Variants in LRP5 observed in about 807,000 individuals in gnomAD.
LRP5 encodes low-density lipoprotein receptor-related protein 5.
A neutral mutation model predicts 154.1 loss-of-function variants in LRP5; 62 were observed. The ratio of observed to expected loss-of-function variants is 0.40; its 90% CI spans 0.33 to 0.50. The LOEUF is 0.50. LRP5 is among the 20% of genes least tolerant of loss of function. LRP5 has a pLI of 0.55. For missense variants in LRP5, 1,915 were observed against 2,336.7 expected (o/e 0.82, Z 3.72); for synonymous variants, 966 against 1,011.5 (o/e 0.96, Z 0.85).
At chr11:68,440,334 G>C (rs2098677521) in intron 21 of LRP5, among the ~76,000 whole-genome samples, 2 of 152,200 alleles carry the variant, frequency 1.3e-5, no homozygotes, top group South Asian at 4.1e-4. Flanking sequence ...AAAACAGCTG[G>C]ATGGTTTTGT....
At chr11:68,356,916 T>A (rs771524343) in intron 2 of LRP5, among the ~76,000 whole-genome samples, 9 of 152,054 alleles carry the variant, frequency 5.9e-5, no homozygotes, top group Non-Finnish European at 1.2e-4. Flanking sequence ...TTTCATGGCT[T>A]GATAGATCAT....
chr11:68,432,593 T>C (rs1156901377), intron 17 of LRP5, among the ~76,000 whole-genome samples: 1 of 152,228 alleles, frequency 6.6e-6, no homozygotes, highest in Non-Finnish European at 1.5e-5. Context: ...TTGAAACCGA[T>C]GTTTTTTACC....
intron 5 of LRP5, among the ~76,000 whole-genome samples, chr11:68,380,369 G>T (rs1244874154): frequency 1.3e-5 from 2 of 152,224 alleles, no homozygotes; most frequent in East Asian, 3.8e-4. Flanking sequence ...AGGCAGGCTG[G>T]CTTCCTACAG....
intron 21 of LRP5, among the ~76,000 whole-genome samples, chr11:68,444,881 T>C (rs111899235): frequency 6.6e-6 from 1 of 151,932 alleles, no homozygotes; most frequent in African/African-American, 2.4e-5. Context: ...CCCAGTCTCA[T>C]GCCCTCTCAA....
chr11:68,366,406 C>T (rs1343981621), intron 5 of LRP5, among the ~76,000 whole-genome samples: 1 of 152,092 alleles, frequency 6.6e-6, no homozygotes, highest in East Asian at 1.9e-4. Flanking sequence ...AAGGACTCTC[C>T]TGGCATCCGG....
rs1411205211 is a variant in LRP5 at position 68,386,080 on chromosome 11, A to C, written c.1016-236A>C. 3.9e-5 allele frequency among the ~76,000 whole-genome samples: 6 copies of C among 152,138 alleles called. No homozygotes were observed. Among genetic ancestry groups the C allele is most frequent in the Non-Finnish European group, 8.8e-5 (6 of 68,010 alleles). On this transcript the variant is annotated intron_variant, in intron 5 of 22. Transcript: ENST00000294304. This position sits in a 1 kb window ranked among gnomAD's most constrained non-coding sequence, Gnocchi z 7.9. ...TGCGTGCATAACCTCTCAGTGCTTC[A>C]GTTCTCTCATTTGTAAAATGAGGAA...
At chr11:68,380,327 G>A (rs1200378949) in intron 5 of LRP5, among the ~76,000 whole-genome samples, 1 of 152,208 alleles carries the variant, frequency 6.6e-6, no homozygotes, top group East Asian at 1.9e-4. Flanking sequence ...GTCCATAAAT[G>A]AAGTTTTGTT....
chr11:68,331,662 G>A (rs993656548), intron 1 of LRP5, among the ~76,000 whole-genome samples: 4 of 152,044 alleles, frequency 2.6e-5, no homozygotes. Context: ...TTTCCTGTTC[G>A]CCTGCTTCCC....
At chr11:68,329,225 T>C (rs1274102043) in intron 1 of LRP5, among the ~76,000 whole-genome samples, 2 of 152,126 alleles carry the variant, frequency 1.3e-5, no homozygotes, top group African/African-American at 4.8e-5. Context: ...ACACCCAAGA[T>C]ATAAAATCTA....
intron 15 of LRP5, among the ~76,000 whole-genome samples, chr11:68,425,724 G>A (rs1305255450): frequency 1.3e-5 from 2 of 152,194 alleles, no homozygotes; most frequent in African/African-American, 4.8e-5. Context: ...TGCTTGCAGG[G>A]GCCAGTGACC....
At chr11:68,411,664 GC>G (rs1345973870) in intron 11 of LRP5, 44 bp downstream of exon 11, 1 of 1,566,662 alleles carries the variant, frequency 6.4e-7, no homozygotes, top group Non-Finnish European at 8.6e-7. Flanking sequence ...GGGCGGGGCA[GC>G]CGGGCGTTGG....
In LRP5 at chr11:68,449,024, T is replaced by C; in HGVS notation, c.4802T>C (p.Phe1601Ser). The change falls in exon 23 of 23, where the codon TTC (phenylalanine) becomes TCC (serine). Residue 1601 changes from phenylalanine (F) to serine (S), a missense_variant. Around this residue, in one of 3 missense-constraint regions of LRP5, gnomAD observed 1,094 missense variants for 1,210.1 expected, o/e 0.90. Coordinates refer to ENST00000294304, the MANE Select transcript of LRP5 (RefSeq NM_002335.4). ...TCGCCCGCCACCGAGAGGAGCTACT[T>C]CCATCTCTTCCCGCCCCCTCCGTCC... ...PPSPATERSY[F>S]HLFPPPPSPC... 1.3e-6 allele frequency: 2 copies of C among 1,591,446 alleles called. No individual in the cohort carries two copies. Among genetic ancestry groups the C allele is most frequent in the Non-Finnish European group, 1.7e-6 (2 of 1,172,278 alleles).
At chr11:68,443,581 A>ATTTT (rs1393479461) in intron 21 of LRP5, among the ~76,000 whole-genome samples, 12 of 36,808 alleles carry the variant, frequency 3.3e-4, no homozygotes, top group Non-Finnish European at 5.9e-4. Context: ...ATATATATAT[A>ATTTT]TATATTTTTT....
intron 18 of LRP5, among the ~76,000 whole-genome samples, chr11:68,436,257 A>G (rs992163866): frequency 6.6e-6 from 1 of 151,974 alleles, no homozygotes; most frequent in Non-Finnish European, 1.5e-5. Context: ...AGGGCAGGAC[A>G]CCGGGGGCAG....
At chr11:68,344,734 A>T (rs932470442) in intron 1 of LRP5, among the ~76,000 whole-genome samples, 1 of 151,860 alleles carries the variant, frequency 6.6e-6, no homozygotes, top group Non-Finnish European at 1.5e-5. Context: ...TGCCTACCGT[A>T]AGTACCTCAT....
At chr11:68,376,615 T>C (rs1195606128) in intron 5 of LRP5, among the ~76,000 whole-genome samples, 1 of 152,204 alleles carries the variant, frequency 6.6e-6, no homozygotes, top group Non-Finnish European at 1.5e-5. Flanking sequence ...AGAGTTTCCA[T>C]GTATACCGGG....
At chr11:68,421,782 GT>G in intron 13 of LRP5, among the ~76,000 whole-genome samples, 1 of 134,904 alleles carries the variant, frequency 7.4e-6, no homozygotes, top group South Asian at 2.3e-4. Flanking sequence ...CCATCTGGGG[GT>G]GTGTGTGTGT....
rs762118228 is a variant in LRP5 at position 68,348,141 on chromosome 11, C to A, written c.386C>A (p.Thr129Asn). 6.2e-7 allele frequency: 1 copy of A among 1,614,064 alleles called. No homozygotes were observed. Among genetic ancestry groups the A allele is most frequent in the South Asian group, 1.1e-5 (1 of 91,084 alleles). The part of the protein sequence containing the change: ...GKKLYWTDSE[T>N]NRIEVANLNG... Reference sequence around the variant, plus strand: ...AAGCTGTACTGGACGGACTCAGAGACCAACCGCATCGAGGTGGCCAACCTC... The same window carrying A: ...AAGCTGTACTGGACGGACTCAGAGAACAACCGCATCGAGGTGGCCAACCTC... Residue 129 changes from threonine to asparagine, a missense_variant, in exon 2 of 23, where the codon ACC (threonine) becomes AAC (asparagine). Coordinates refer to ENST00000294304, the MANE Select transcript of LRP5 (RefSeq NM_002335.4).
chr11:68,385,852 G>T (rs2098642675), intron 5 of LRP5, among the ~76,000 whole-genome samples: 1 of 152,132 alleles, frequency 6.6e-6, no homozygotes, highest in Non-Finnish European at 1.5e-5. Flanking sequence ...AGCTGGGCAG[G>T]AAGGGTGAGC....
Sources: allele counts gnomAD v4.1 joint callset (sites outside exome capture counted in the v4.1 genomes callset), GRCh38; gene constraint gnomAD v4.1.1; regional missense constraint gnomAD v4.1.1; non-coding constraint Gnocchi (gnomAD v3.1); transcripts MANE v1.5; gene names NCBI Gene and HGNC (gene_info 2026-07-23, HGNC 2026-07-21).